Variants in FTCDNL1 observed in about 807,000 individuals in gnomAD.
The protein encoded by FTCDNL1 is formiminotransferase N-terminal subdomain-containing protein.
Under a neutral mutation model 5.9 loss-of-function variants are expected in FTCDNL1, and 11 were observed. The ratio of observed to expected loss-of-function variants is 1.87; its 90% CI spans 1.18 to 3.10. FTCDNL1 has a LOEUF of 3.10. Ranked by LOEUF, FTCDNL1 falls within the 30% of genes most tolerant of loss-of-function variation. The probability of loss-of-function intolerance (pLI) is 0.00; values close to 1 mark genes in which losing one functional copy is unlikely to be tolerated. For synonymous variants in FTCDNL1, 58 were observed against 24.8 expected, an observed-to-expected ratio of 2.34 and a Z score of -3.99; for missense variants, 115 against 65.5, an observed-to-expected ratio of 1.76 and a Z score of -2.61.
the FTCDNL1 span, among the ~76,000 whole-genome samples, chr2:199,747,164 T>A: frequency 6.6e-6 from 1 of 152,316 alleles, no homozygotes; most frequent in South Asian, 2.1e-4. Flanking sequence ...CAGGAACATG[T>A]GGATTAAATT....
chr2:199,673,525 C>A, the FTCDNL1 span, among the ~76,000 whole-genome samples: 106 of 151,990 alleles, frequency 7.0e-4, no homozygotes, highest in African/African-American at 2.5e-3. Context: ...ATTTAATTGG[C>A]AAATTTTGTT....
chr2:199,687,459 G>C, the FTCDNL1 span, among the ~76,000 whole-genome samples: 1 of 152,194 alleles, frequency 6.6e-6, no homozygotes, highest in African/African-American at 2.4e-5. Context: ...ATTAAAATTA[G>C]TCACAGTCAG....
the FTCDNL1 span, among the ~76,000 whole-genome samples, chr2:199,723,114 C>T: frequency 7.9e-5 from 12 of 152,012 alleles, no homozygotes; most frequent in Non-Finnish European, 1.6e-4. Context: ...CTCCCTCCCC[C>T]TGCCCCCACC....
the FTCDNL1 span, among the ~76,000 whole-genome samples, chr2:199,676,671 T>C: frequency 6.6e-6 from 1 of 152,154 alleles, no homozygotes; most frequent in Non-Finnish European, 1.5e-5. Flanking sequence ...CCAGTTGATG[T>C]TCTTAAGCAA....
chr2:199,714,761 G>T, the FTCDNL1 span, among the ~76,000 whole-genome samples: 6 of 152,028 alleles, frequency 3.9e-5, no homozygotes, highest in Non-Finnish European at 7.4e-5. Flanking sequence ...TATGGGATGG[G>T]CAGGCTTTGC....
chr2:199,758,090 G>A (rs1216056748), downstream of FTCDNL1, among the ~76,000 whole-genome samples: 1 of 152,104 alleles, frequency 6.6e-6, no homozygotes, highest in Non-Finnish European at 1.5e-5. Context: ...CAGGGTGTGA[G>A]CTGGGGGTCC....
In FTCDNL1 at chr2:199,785,249, C is replaced by CTTTTTTTTTTTTTTTTTTTT. The variant is rs61047289; in HGVS notation, c.212-24415_212-24414insAAAAAAAAAAAAAAAAAAAA. 2.2e-4 allele frequency among the ~76,000 whole-genome samples: 17 copies of CTTTTTTTTTTTTTTTTTTTT among 76,864 alleles called. 1 individual carries two copies. Among genetic ancestry groups the CTTTTTTTTTTTTTTTTTTTT allele is most frequent in the East Asian group, 4.6e-4 (1 of 2,194 alleles). 50.4% of individuals were successfully genotyped at this position (76,864 alleles called of 152,430 possible). A position where few individuals can be genotyped will look rare whatever the true frequency, so the allele number is the denominator to read the frequency against. On this transcript the variant is annotated intron_variant, in intron 3 of 3. Coordinates refer to the FTCDNL1 transcript ENST00000416668. ...AGGGTCTCTAAACTCTTCCAAATTC[C>CTTTTTTTTTTTTTTTTTTTT]TTTTTTTTTTTTTTTTGAGACAGAA...
At chr2:199,702,867 A>G in the FTCDNL1 span, among the ~76,000 whole-genome samples, 1 of 152,184 alleles carries the variant, frequency 6.6e-6, no homozygotes, top group African/African-American at 2.4e-5. Flanking sequence ...GGCATCAGCC[A>G]TCGAAGAAAT....
At chr2:199,678,692 T>C in the FTCDNL1 span, among the ~76,000 whole-genome samples, 6 of 152,168 alleles carry the variant, frequency 3.9e-5, no homozygotes, top group African/African-American at 9.6e-5. Context: ...CATACACATA[T>C]ACAAGAACAC....
chr2:199,818,314 G>C (rs557659940), intron 4 of FTCDNL1: 3 of 152,290 alleles, frequency 2.0e-5, no homozygotes, highest in South Asian at 2.1e-4. Flanking sequence ...AATTGGCAGA[G>C]AGCAATCAGT....
At chr2:199,717,948 T>A in the FTCDNL1 span, among the ~76,000 whole-genome samples, 1 of 146,526 alleles carries the variant, frequency 6.8e-6, no homozygotes, top group African/African-American at 2.5e-5. Context: ...AGCAATGCCA[T>A]CATCTCTGGA....
intron 2 of FTCDNL1, among the ~76,000 whole-genome samples, chr2:199,847,281 T>TAA (rs138355801): frequency 6.7e-6 from 1 of 148,206 alleles, no homozygotes; most frequent in East Asian, 2.0e-4. Context: ...AAAATATTTG[T>TAA]AAAAAAAAAA....
intron 3 of FTCDNL1, among the ~76,000 whole-genome samples, chr2:199,845,080 TA>T: frequency 6.6e-6 from 1 of 152,234 alleles, no homozygotes; most frequent in South Asian, 2.1e-4. Flanking sequence ...ATAAATTTTT[TA>T]AAGCTTACTT....
intron 3 of FTCDNL1, among the ~76,000 whole-genome samples, chr2:199,802,271 T>C (rs1011959283): frequency 3.9e-5 from 6 of 152,204 alleles, no homozygotes; most frequent in African/African-American, 9.6e-5. Flanking sequence ...CTACATCTTA[T>C]GTATCACTAG....
the FTCDNL1 span, among the ~76,000 whole-genome samples, chr2:199,749,332 G>A: frequency 6.6e-6 from 1 of 152,184 alleles, no homozygotes; most frequent in East Asian, 1.9e-4. Context: ...AATCATGGCA[G>A]TGAGGTCTCT....
intron 3 of FTCDNL1, among the ~76,000 whole-genome samples, chr2:199,779,767 C>T (rs1699269425): frequency 6.6e-6 from 1 of 152,150 alleles, no homozygotes. Context: ...TGACATCAGC[C>T]TCCAGCAAAT....
At chr2:199,760,768 C>G in exon 4 of FTCDNL1, 1 of 702,324 alleles carries the variant, frequency 1.4e-6, no homozygotes, top group Non-Finnish European at 2.6e-6. Flanking sequence ...GATTGCTCTG[C>G]CCTCCTCTGG....
chr2:199,688,648 T>C, the FTCDNL1 span, among the ~76,000 whole-genome samples: 9 of 152,172 alleles, frequency 5.9e-5, no homozygotes, highest in Non-Finnish European at 2.9e-5. Flanking sequence ...CCCCTGGCCT[T>C]AGGGCTCAAC....
the FTCDNL1 span, among the ~76,000 whole-genome samples, chr2:199,681,789 TA>T: frequency 6.6e-6 from 1 of 152,178 alleles, no homozygotes; most frequent in Non-Finnish European, 1.5e-5. Context: ...TACAAATTGT[TA>T]TATATACGGG....
Sources: gnomAD v4.1 joint callset for allele counts (sites outside exome capture counted in the v4.1 genomes callset) on GRCh38, gnomAD v4.1.1 for gene constraint, MANE v1.5 for transcripts, NCBI Gene and HGNC (gene_info 2026-07-23, HGNC 2026-07-21) for gene names.